Variants in RIF1 observed in about 807,000 individuals in gnomAD.
RIF1 encodes telomere-associated protein RIF1.
A neutral mutation model predicts 247.1 loss-of-function variants in RIF1; 45 were observed. The ratio of observed to expected loss-of-function variants is 0.18; its 90% CI spans 0.14 to 0.23. The LOEUF (loss-of-function observed/expected upper bound fraction) is 0.23. Among genes scored for constraint, RIF1 ranks in the 10% least tolerant of loss-of-function variants. The pLI is 1.00. For synonymous variants in RIF1, 1,087 were observed against 978.8 expected (o/e 1.11, Z -2.06); for missense variants, 2,967 against 2,862.5 (o/e 1.04, Z -0.83).
At chr2:151,491,003 A>C (rs903151695) in intron 9 of RIF1, among the ~76,000 whole-genome samples, 11 of 151,748 alleles carry the variant, frequency 7.2e-5, no homozygotes, top group African/African-American at 2.7e-4. Context: ...AAACTGGAGT[A>C]TAAATCCTTT....
the RIF1 span, chr2:151,534,327 A>C: frequency 6.2e-7 from 1 of 1,609,064 alleles, no homozygotes; most frequent in Non-Finnish European, 8.5e-7. Flanking sequence ...TTTCTGCTCA[A>C]ACATCATAGC....
At chr2:151,424,692 G>A (rs1230165798) in intron 8 of RIF1, among the ~76,000 whole-genome samples, 1 of 151,848 alleles carries the variant, frequency 6.6e-6, no homozygotes, top group Non-Finnish European at 1.5e-5. Context: ...TTGAGACAAG[G>A]TCTGGCTCTA....
intron 9 of RIF1, chr2:151,493,183 G>A (rs1403046208): frequency 1.8e-6 from 1 of 569,096 alleles, no homozygotes; most frequent in Non-Finnish European, 3.1e-6. Context: ...ATTTTCAGTT[G>A]AATAAGTGCA....
intron 5 of RIF1, 40 bp downstream of exon 5, chr2:151,416,728 C>T (rs1356466373): frequency 1.2e-6 from 2 of 1,602,802 alleles, no homozygotes; most frequent in African/African-American, 2.7e-5. Flanking sequence ...AACTATATGC[C>T]AATTAAAAGA....
downstream of RIF1, among the ~76,000 whole-genome samples, chr2:151,512,019 CTTTTTTTTTTTTTTTTTTTT>C (rs71403173): frequency 1.5e-4 from 14 of 93,568 alleles, no homozygotes; most frequent in African/African-American, 6.0e-4. Flanking sequence ...CCCTCTCACT[CTTTTTTTTTTTTTTTTTTTT>C]TTTTTTTTTG....
At chr2:151,523,063 A>G in the RIF1 span, among the ~76,000 whole-genome samples, 1 of 152,192 alleles carries the variant, frequency 6.6e-6, no homozygotes, top group Non-Finnish European at 1.5e-5. Flanking sequence ...AAATTTCAAC[A>G]TCATAGTCGT....
At chr2:151,430,279 C>CCAA (rs1689847856) in intron 9 of RIF1, among the ~76,000 whole-genome samples, 1 of 151,984 alleles carries the variant, frequency 6.6e-6, no homozygotes, top group Admixed American at 6.6e-5. Context: ...CCTCAGCCTC[C>CCAA]CAAAGTGCTG....
At chr2:151,532,551 C>A in the RIF1 span, among the ~76,000 whole-genome samples, 1 of 151,960 alleles carries the variant, frequency 6.6e-6, no homozygotes, top group Non-Finnish European at 1.5e-5. Context: ...ATACAGAGAG[C>A]ACCATAAAAT....
At chr2:151,513,601 A>G in the RIF1 span, 3 of 1,608,452 alleles carry the variant, frequency 1.9e-6, no homozygotes, top group South Asian at 3.4e-5. Context: ...TATCAGTAGC[A>G]TTCCTGGCCC....
At chr2:151,471,228 C>T (rs1008546043) in intron 34 of RIF1, among the ~76,000 whole-genome samples, 4 of 152,052 alleles carry the variant, frequency 2.6e-5, no homozygotes, top group Non-Finnish European at 4.4e-5. Context: ...CAAAAATTTC[C>T]GTTTTGAGGT....
Position 151,462,921 on chromosome 2 carries a change from A to T in RIF1, c.3401A>T (p.Asp1134Val), listed in dbSNP as rs1381389197. 1 of 1,610,790 alleles carries T rather than the reference A, an allele frequency of 6.2e-7. No homozygotes were observed. Among genetic ancestry groups the T allele is most frequent in the Non-Finnish European group, 8.5e-7 (1 of 1,179,018 alleles). Residue 1134 changes from aspartate to valine, a missense_variant, in exon 30 of 36, where the codon GAT becomes GTT. By Grantham distance (152) the Asp-to-Val change is radical (BLOSUM62 -3). This residue lies in a region of RIF1 where 2,028 missense variants were observed against 1,825.6 expected (regional missense o/e 1.11). Transcript: ENST00000444746. ...GACAGTGACATTGTCATTCCTCAAGATGTCACGGAAGACTGTGGTATGGCT... is the reference window on the plus strand; with the variant it reads ...GACAGTGACATTGTCATTCCTCAAGTTGTCACGGAAGACTGTGGTATGGCT... ...QMDSDIVIPQ[D>V]VTEDCGMAEH...
At chr2:151,517,614 A>T in the RIF1 span, among the ~76,000 whole-genome samples, 1 of 152,274 alleles carries the variant, frequency 6.6e-6, no homozygotes, top group Non-Finnish European at 1.5e-5. Flanking sequence ...ACAAACCTAG[A>T]TGGTATAGCC....
intron 22 of RIF1, among the ~76,000 whole-genome samples, chr2:151,455,404 T>C (rs959774767): frequency 1.3e-5 from 2 of 152,158 alleles, no homozygotes; most frequent in Non-Finnish European, 1.5e-5. Context: ...CTTTTCAGAA[T>C]TGTTTATGCA....
At chr2:151,440,703 A>G (rs1558972809) in intron 15 of RIF1, among the ~76,000 whole-genome samples, 1 of 152,230 alleles carries the variant, frequency 6.6e-6, no homozygotes, top group African/African-American at 2.4e-5. Context: ...AGTGGTTAAT[A>G]GCAAGGGCTC....
intron 35 of RIF1, among the ~76,000 whole-genome samples, chr2:151,474,567 T>G (rs1235255828): frequency 5.3e-5 from 8 of 152,168 alleles, no homozygotes; most frequent in Non-Finnish European, 4.4e-5. Flanking sequence ...TCCCAGTTAC[T>G]TGGGAGGCTG....
rs2152562391 is a variant in RIF1 at position 151,478,526 on chromosome 2, T to C, written c.*3455T>C. On this transcript the variant is annotated 3_prime_UTR_variant, in exon 36 of 36. Transcript: ENST00000444746. ...AACATTGCCCATGGATTTTTTTTTTTCTGTACAGCTTGAAGATAAGATAGT... is the reference window on the plus strand; with the variant it reads ...AACATTGCCCATGGATTTTTTTTTTCCTGTACAGCTTGAAGATAAGATAGT... 6.6e-6 allele frequency: 1 copy of C among 152,168 alleles called. No individual in the cohort carries two copies. The highest frequency in any genetic ancestry group is 2.1e-4 in the South Asian group (1 of 4,818). 9.4% of individuals were successfully genotyped at this position (152,168 alleles called of 1,614,324 possible).
At chr2:151,430,024 C>CT (rs762360765) in intron 9 of RIF1, among the ~76,000 whole-genome samples, 305 of 145,192 alleles carry the variant, frequency 2.1e-3, no homozygotes, top group South Asian at 0.013. Context: ...TGTATAATAA[C>CT]TTTTTTTTTT....
chr2:151,507,111 T>G lies in RIF1; in HGVS notation c.*1028-618T>G. On this transcript the variant is annotated intron_variant and NMD_transcript_variant, in intron 13 of 13. Transcript: ENST00000454583. The stretch of plus-strand genomic sequence containing the variant: ...TGAAGAAAATTAAAATCCTGTATCT[T>G]TAAAAAAAAGTCTATGCACAATAAT... 2 of 773,220 alleles carry G rather than the reference T, an allele frequency of 2.6e-6. 1 individual carries two copies. Among genetic ancestry groups the G allele is most frequent in the South Asian group, 3.4e-5 (2 of 59,546 alleles). 47.9% of individuals were successfully genotyped at this position (773,220 alleles called of 1,614,324 possible). A position where few individuals can be genotyped will look rare whatever the true frequency, so the allele number is the denominator to read the frequency against.
chr2:151,460,951 T>C (rs1232831401), intron 26 of RIF1, among the ~76,000 whole-genome samples, 187 bp from the exon 27 acceptor site: 22 of 152,224 alleles, frequency 1.4e-4, no homozygotes. Flanking sequence ...CTGTCTACTT[T>C]CTTAGTATTT....
Sources: gnomAD v4.1 joint callset for allele counts (sites outside exome capture counted in the v4.1 genomes callset) on GRCh38, gnomAD v4.1.1 for gene constraint, gnomAD v4.1.1 regional missense constraint, MANE v1.5 for transcripts, NCBI Gene and HGNC (gene_info 2026-07-23, HGNC 2026-07-21) for gene names.